The following NFATC3 variants were observed in gnomAD, a reference collection of about 807,000 sequenced individuals.
NFATC3 encodes nuclear factor of activated T cells 3, also known as nuclear factor of activated T-cells, cytoplasmic 3.
In NFATC3, 46 loss-of-function variants were observed where a neutral mutation model predicts 98.6. The ratio of observed to expected loss-of-function variants is 0.47; its 90% CI spans 0.37 to 0.60. The LOEUF (loss-of-function observed/expected upper bound fraction) is 0.60. Among genes scored for constraint, NFATC3 ranks in the 20% least tolerant of loss-of-function variants. NFATC3 has a pLI of 0.00. For missense variants in NFATC3, 1,256 were observed against 1,295.5 expected (o/e 0.97, Z 0.47); for synonymous variants, 512 against 472.2 (o/e 1.08, Z -1.09).
intron 5 of NFATC3, among the ~76,000 whole-genome samples, chr16:68,168,394 T>C (rs1231120981): frequency 6.6e-6 from 1 of 150,892 alleles, no homozygotes; most frequent in African/African-American, 2.4e-5. Context: ...AAATTCTGAC[T>C]TGAAGTGATC....
intron 9 of NFATC3, chr16:68,218,023 G>A (rs2151172637): frequency 2.6e-6 from 3 of 1,144,130 alleles, no homozygotes; most frequent in Non-Finnish European, 2.1e-6. Context: ...TCTGTCTGTA[G>A]CTTGAAAAAT....
At chr16:68,212,151 T>G (rs2041434189) in intron 9 of NFATC3, among the ~76,000 whole-genome samples, 1 of 152,230 alleles carries the variant, frequency 6.6e-6, no homozygotes, top group South Asian at 2.1e-4. Flanking sequence ...ATATTTTCAG[T>G]ATTTAAAATA....
At chr16:68,194,449 C>A (rs1205181226) in intron 9 of NFATC3, among the ~76,000 whole-genome samples, 1 of 152,202 alleles carries the variant, frequency 6.6e-6, no homozygotes, top group African/African-American at 2.4e-5. Flanking sequence ...GTGTCACTCC[C>A]TACTAAATGA....
At position 68,227,535 on chromosome 16, in the gene NFATC3, G is replaced by C. The variant is rs962653410; in HGVS notation, c.*1064G>C. 6.6e-6 allele frequency: 1 copy of C among 152,188 alleles called. No individual in the cohort carries two copies. Among genetic ancestry groups the C allele is most frequent in the Admixed American group, 6.6e-5 (1 of 15,264 alleles). The allele number at this position is 152,188 out of a possible 1,614,324, so 9.4% of individuals were successfully genotyped here. ...AAAATACAGGACTCCAGATGGGAAG[G>C]TTTTAAGAGTCACACTGGCATGGAA... On this transcript the variant is annotated 3_prime_UTR_variant, in exon 10 of 10. Coordinates refer to ENST00000346183, the MANE Select transcript of NFATC3 (RefSeq NM_173165.3).
intron 1 of NFATC3, 46 bp from the exon 2 acceptor site, chr16:68,121,941 T>C (rs1436130702): frequency 6.6e-7 from 1 of 1,523,740 alleles, no homozygotes; most frequent in African/African-American, 1.4e-5. Flanking sequence ...AGTTTTCTAA[T>C]TTCTTGTTTT....
chr16:68,195,654 A>G (rs2040633619), intron 9 of NFATC3, among the ~76,000 whole-genome samples: 1 of 151,194 alleles, frequency 6.6e-6, no homozygotes, highest in Non-Finnish European at 1.5e-5. Flanking sequence ...TAAAAGTACA[A>G]AAAACTAGCC....
intron 1 of NFATC3, among the ~76,000 whole-genome samples, chr16:68,113,466 C>G (rs145774414): frequency 5.3e-4 from 80 of 152,344 alleles, no homozygotes; most frequent in African/African-American, 1.9e-3. Flanking sequence ...GCCTCCTCCT[C>G]TGGGAGCTTC....
Position 68,202,669 on chromosome 16 carries a change from G to T in NFATC3, c.3106+10894G>T, listed in dbSNP as rs574687352. ...TCTACTAAAAATACAAAAATTAGCT[G>T]GGCGTGGTGGTGGACACCTATAATC... On this transcript the variant is annotated intron_variant, in intron 9 of 9. Coordinates refer to ENST00000346183, the MANE Select transcript of NFATC3 (RefSeq NM_173165.3). 9.9e-5 allele frequency among the ~76,000 whole-genome samples: 15 copies of T among 152,142 alleles called. No homozygotes were observed. In the South Asian group the frequency reaches 2.9e-3, roughly 30 times the overall value.
At position 68,138,552 on chromosome 16, in the gene NFATC3, A is replaced by G. The variant is rs568072245; in HGVS notation, c.1401+11942A>G. 6.2e-6 allele frequency: 8 copies of G among 1,288,990 alleles called. No individual in the cohort carries two copies. The East Asian group carries it at 4.4e-4, about 71-fold the overall frequency. The allele number at this position is 1,288,990 out of a possible 1,614,324, so 79.8% of individuals were successfully genotyped here. On this transcript the variant is annotated intron_variant, in intron 3 of 9. Coordinates refer to ENST00000346183, the MANE Select transcript of NFATC3 (RefSeq NM_173165.3). ...CATCTTTTGATGTCGTCTTTGATGCACAGCTTCTACTGTCCATGGGAAAGA... is the reference window on the plus strand; with the variant it reads ...CATCTTTTGATGTCGTCTTTGATGCGCAGCTTCTACTGTCCATGGGAAAGA...
intron 9 of NFATC3, among the ~76,000 whole-genome samples, chr16:68,199,558 T>C (rs1206501522): frequency 6.8e-6 from 1 of 147,568 alleles, no homozygotes. Context: ...AAAAAAGTAT[T>C]ATTCTCAGTA....
chr16:68,154,083 G>A (rs908775146), intron 3 of NFATC3, among the ~76,000 whole-genome samples: 7 of 151,866 alleles, frequency 4.6e-5, no homozygotes, highest in African/African-American at 1.2e-4. Context: ...TGCTCAGCTA[G>A]TGTGTGCGTG....
rs772590553 is a variant in NFATC3, at chr16:68,191,188, G to C, written c.2519G>C (p.Gly840Ala). The C allele has an allele frequency of 2.7e-5, 43 of 1,613,984 alleles. 2 individuals carry two copies. The Admixed American group carries it at 7.2e-4, about 27-fold the overall frequency. Residue 840 changes from glycine (G) to alanine (A), a missense_variant, in exon 9 of 10, where the codon GGT becomes GCT. This residue lies in a region of NFATC3 where 636 missense variants were observed against 617.3 expected (regional missense o/e 1.03). Transcript: ENST00000346183. ...VLFQQDATLS[G>A]LVNLGCQPLS... ...TTTCAGCAGGATGCAACTCTTTCTG[G>C]TTTAGTGAATCTTGGCTGTCAACCA...
chr16:68,209,273 G>A (rs975437191), intron 9 of NFATC3, among the ~76,000 whole-genome samples: 3 of 152,244 alleles, frequency 2.0e-5, no homozygotes, highest in South Asian at 4.1e-4. Context: ...AGGCTGAGGC[G>A]GGCAGATAGC....
intron 9 of NFATC3, among the ~76,000 whole-genome samples, chr16:68,222,001 A>C (rs983397776): frequency 6.6e-6 from 1 of 152,032 alleles, no homozygotes; most frequent in Non-Finnish European, 1.5e-5. Context: ...TAGAAGAACA[A>C]CACCTCGGCT....
intron 9 of NFATC3, among the ~76,000 whole-genome samples, chr16:68,213,508 C>T (rs1373729888): frequency 6.6e-6 from 1 of 151,534 alleles, no homozygotes; most frequent in Admixed American, 6.6e-5. Context: ...TCATAAATTT[C>T]TAATGGATGT....
chr16:68,137,683 C>T (rs890392864), intron 3 of NFATC3, among the ~76,000 whole-genome samples: 5 of 151,606 alleles, frequency 3.3e-5, no homozygotes, highest in South Asian at 2.1e-4. Flanking sequence ...GCTCGATCTC[C>T]GCTCACTGCA....
chr16:68,183,058 A>G (rs2040014981), intron 7 of NFATC3, among the ~76,000 whole-genome samples, 182 bp from the exon 8 acceptor site: 2 of 152,216 alleles, frequency 1.3e-5, no homozygotes, highest in Admixed American at 1.3e-4. Flanking sequence ...TGATTAAAAG[A>G]CTTACTCTTT....
chr16:68,197,400 C>T (rs1031749002), intron 9 of NFATC3, among the ~76,000 whole-genome samples: 4 of 152,230 alleles, frequency 2.6e-5, no homozygotes. Context: ...CCTCCTGCTT[C>T]AGCCTGCTGA....
At chr16:68,126,313 A>G in intron 2 of NFATC3, 135 bp from the exon 3 acceptor site, 1 of 688,092 alleles carries the variant, frequency 1.5e-6, no homozygotes. Flanking sequence ...GTAACTTACT[A>G]AATGAAGTTT....
Sources: allele counts gnomAD v4.1 joint callset (sites outside exome capture counted in the v4.1 genomes callset), GRCh38; gene constraint gnomAD v4.1.1; regional missense constraint gnomAD v4.1.1; transcripts MANE v1.5; gene names NCBI Gene and HGNC (gene_info 2026-07-23, HGNC 2026-07-21).